Variants in FLVCR2 observed in about 807,000 individuals in gnomAD.
The protein encoded by FLVCR2 is FLVCR choline and putative heme transporter 2, also known as choline/ethanolamine transporter FLVCR2.
In FLVCR2, 38 loss-of-function variants were observed where a neutral mutation model predicts 48.9. The observed-to-expected ratio is 0.78, with a 90% CI of 0.60 to 1.02. The LOEUF (loss-of-function observed/expected upper bound fraction) is 1.02. Ranked by LOEUF, FLVCR2 falls within the 50% of genes least tolerant of loss-of-function variation. The pLI is 0.00. For missense variants in FLVCR2, 664 were observed against 663.3 expected (o/e 1.00, Z -0.01); for synonymous variants, 255 against 257.0 (o/e 0.99, Z 0.07).
At chr14:75,596,769 A>T (rs1326419033) in intron 1 of FLVCR2, among the ~76,000 whole-genome samples, 2 of 140,644 alleles carry the variant, frequency 1.4e-5, no homozygotes, top group Non-Finnish European at 3.1e-5. Context: ...TTAAGCAATA[A>T]CTCCTCTTTT....
intron 9 of FLVCR2, among the ~76,000 whole-genome samples, chr14:75,643,979 G>A (rs1015060044): frequency 2.0e-5 from 3 of 151,530 alleles, no homozygotes; most frequent in African/African-American, 4.8e-5. Flanking sequence ...TGGAGGTTGC[G>A]GTAAGCTGAG....
chr14:75,616,944 C>T (rs1005070862), intron 1 of FLVCR2, among the ~76,000 whole-genome samples: 3 of 152,206 alleles, frequency 2.0e-5, no homozygotes, highest in Non-Finnish European at 4.4e-5. Context: ...TTTGGGGAAG[C>T]TCTTGGATCC....
At chr14:75,606,024 T>C (rs1889282202) in intron 1 of FLVCR2, 1 of 201,990 alleles carries the variant, frequency 5.0e-6, no homozygotes, top group African/African-American at 2.3e-5. Context: ...TCGTGGGCTT[T>C]TGTTTCGTTT....
chr14:75,591,374 A>G (rs2140009055), intron 1 of FLVCR2, among the ~76,000 whole-genome samples: 1 of 152,346 alleles, frequency 6.6e-6, no homozygotes, highest in Non-Finnish European at 1.5e-5. Flanking sequence ...AACCTCCAGA[A>G]TAATCTCCTT....
chr14:75,579,554 C>A lies in FLVCR2; in HGVS notation c.582C>A (p.Ile194=), dbSNP rs1241674407. 6.2e-7 allele frequency: 1 copy of A among 1,614,008 alleles called. No homozygotes were observed. Residue 194 remains isoleucine, a synonymous_variant, in exon 1 of 10, where the codon ATC becomes ATA. Transcript: ENST00000238667. The stretch of plus-strand genomic sequence containing the variant: ...TCTGCTCTGTGGCCCAGGTTTTCAT[C>A]CTGGGCATGCCCTCCCGCATCGCTT... ...QLICSVAQVF[I]LGMPSRIASV...
At chr14:75,590,342 C>A (rs1888851240) in intron 1 of FLVCR2, among the ~76,000 whole-genome samples, 1 of 152,196 alleles carries the variant, frequency 6.6e-6, no homozygotes, top group Non-Finnish European at 1.5e-5. Flanking sequence ...TATTGAGAAT[C>A]CAATTTCAAC....
chr14:75,622,456 A>G (rs779407860), intron 2 of FLVCR2, among the ~76,000 whole-genome samples: 4 of 152,198 alleles, frequency 2.6e-5, no homozygotes, highest in Non-Finnish European at 1.5e-5. Context: ...GTCATTAACC[A>G]GTTCCCCAGT....
At chr14:75,597,395 G>C (rs539539293) in intron 1 of FLVCR2, among the ~76,000 whole-genome samples, 1 of 152,122 alleles carries the variant, frequency 6.6e-6, no homozygotes, top group Non-Finnish European at 1.5e-5. Context: ...CTCACCAAAC[G>C]TGGGCAGGTG....
chr14:75,617,200 G>A (rs1889641168), intron 1 of FLVCR2, among the ~76,000 whole-genome samples: 1 of 152,148 alleles, frequency 6.6e-6, no homozygotes, highest in Admixed American at 6.5e-5. Flanking sequence ...ATGATTTTCT[G>A]GTTTTATTCT....
intron 9 of FLVCR2, among the ~76,000 whole-genome samples, 199 bp from the exon 10 acceptor site, chr14:75,646,202 G>T (rs369507258): frequency 5.9e-4 from 90 of 152,234 alleles, no homozygotes; most frequent in Non-Finnish European, 9.6e-4. Context: ...TCATGATGTT[G>T]GGTGGTGTGT....
Position 75,634,947 on chromosome 14 carries a change from TC to T in FLVCR2, c.1059del (p.Ile353MetfsTer10). ...AATGCTGGAAGAATTGGCCTGACGATCGTCATTGCAGGAATGCTTGGGGCTG... is the reference window on the plus strand; with the variant it reads ...AATGCTGGAAGAATTGGCCTGACGATGTCATTGCAGGAATGCTTGGGGCTG... The part of the protein sequence containing the change: ...EVNAGRIGLT[I>X]VIAGMLGAVI... On this transcript the variant is annotated frameshift_variant, in exon 5 of 10. Coordinates refer to ENST00000238667, the MANE Select transcript of FLVCR2 (RefSeq NM_017791.3). LOFTEE classifies it high-confidence loss of function. 6.2e-7 allele frequency: 1 copy of T among 1,614,132 alleles called. No individual in the cohort carries two copies. The highest frequency in any genetic ancestry group is 8.5e-7 in the Non-Finnish European group (1 of 1,179,982).
intron 1 of FLVCR2, among the ~76,000 whole-genome samples, chr14:75,595,396 C>T (rs1156287755): frequency 6.6e-6 from 1 of 152,216 alleles, no homozygotes; most frequent in Non-Finnish European, 1.5e-5. Context: ...GAAAGTGACT[C>T]AGGCCTTGAG....
At chr14:75,586,331 A>G (rs1222918256) in intron 1 of FLVCR2, among the ~76,000 whole-genome samples, 1 of 152,190 alleles carries the variant, frequency 6.6e-6, no homozygotes, top group Non-Finnish European at 1.5e-5. Flanking sequence ...GAGATTACAA[A>G]GTACATTGAT....
intron 5 of FLVCR2, among the ~76,000 whole-genome samples, 175 bp downstream of exon 5, chr14:75,635,188 C>G (rs1352612480): frequency 6.6e-6 from 1 of 152,092 alleles, no homozygotes; most frequent in Non-Finnish European, 1.5e-5. Context: ...GAAGCTATAC[C>G]CGTCTTAAGA....
At chr14:75,610,152 A>G (rs561417858) in intron 1 of FLVCR2, among the ~76,000 whole-genome samples, 2 of 152,226 alleles carry the variant, frequency 1.3e-5, no homozygotes, top group Non-Finnish European at 2.9e-5. Context: ...TAGCCGAGTC[A>G]TGGGGAAGTT....
At chr14:75,642,219 C>T (rs1436946561) in intron 9 of FLVCR2, among the ~76,000 whole-genome samples, 3 of 152,352 alleles carry the variant, frequency 2.0e-5, no homozygotes, top group East Asian at 3.9e-4. Flanking sequence ...TGAGCCGAGT[C>T]CTGAGGCTCT....
At chr14:75,614,375 A>G (rs1889552911) in intron 1 of FLVCR2, among the ~76,000 whole-genome samples, 1 of 152,210 alleles carries the variant, frequency 6.6e-6, no homozygotes, top group South Asian at 2.1e-4. Context: ...CCATGTATTG[A>G]GTAAGCGCCA....
intron 1 of FLVCR2, among the ~76,000 whole-genome samples, chr14:75,608,902 C>G (rs1889366209): frequency 6.6e-6 from 1 of 152,180 alleles, no homozygotes; most frequent in Non-Finnish European, 1.5e-5. Flanking sequence ...CCCACACAGT[C>G]CCCTGGCTAT....
chr14:75,639,992 C>T (rs1890266973), intron 6 of FLVCR2, among the ~76,000 whole-genome samples: 1 of 152,102 alleles, frequency 6.6e-6, no homozygotes. Flanking sequence ...GGTGCGGTGG[C>T]TTAACGCCTG....
Sources: gnomAD v4.1 joint callset for allele counts (sites outside exome capture counted in the v4.1 genomes callset) on GRCh38, gnomAD v4.1.1 for gene constraint, MANE v1.5 for transcripts, NCBI Gene and HGNC (gene_info 2026-07-23, HGNC 2026-07-21) for gene names.